The following EPHA10 variants were observed in gnomAD, a reference collection of about 807,000 sequenced individuals.
The protein encoded by EPHA10 is ephrin type-A receptor 10.
EPHA10 carries 120 observed loss-of-function variants against 109.7 expected under a neutral mutation model. The ratio of observed to expected loss-of-function variants is 1.09; its 90% CI spans 0.94 to 1.27. EPHA10 has a LOEUF of 1.27. Ranked by LOEUF, EPHA10 falls within the 50% of genes most tolerant of loss-of-function variation. The pLI, the probability that EPHA10 is intolerant of heterozygous loss-of-function variation, is 0.00. For synonymous variants in EPHA10, 640 were observed against 618.9 expected, an observed-to-expected ratio of 1.03 and a Z score of -0.51; for missense variants, 1,396 against 1,411.1, an observed-to-expected ratio of 0.99 and a Z score of 0.17.
chr1:37,746,368 A>G (rs1279713551), intron 5 of EPHA10, among the ~76,000 whole-genome samples: 1 of 152,066 alleles, frequency 6.6e-6, no homozygotes, highest in African/African-American at 2.4e-5. Context: ...AAGTCCTGGG[A>G]TTACAGGCGT....
In EPHA10 at chr1:37,720,437, C is replaced by T. The variant is rs779826445; in HGVS notation, c.2326G>A (p.Val776Met). Residue 776 changes from valine to methionine, a missense_variant, in exon 13 of 17, where the codon GTG becomes ATG. Transcript: ENST00000373048. Reference protein sequence around the residue: ...YVHRGLAARHVLVSSDLVCKI... With the variant: ...YVHRGLAARHMLVSSDLVCKI... ...CAGACAAGGTCGCTGCTGACCAGCACATGGCGAGCTGCCAGGCCCCGGTGA... is the reference window on the plus strand; with the variant it reads ...CAGACAAGGTCGCTGCTGACCAGCATATGGCGAGCTGCCAGGCCCCGGTGA... 1.5e-5 allele frequency: 24 copies of T among 1,613,638 alleles called. No homozygotes were observed. The South Asian group carries it at 2.6e-4, about 18-fold the overall frequency.
At position 37,718,106 on chromosome 1, in the gene EPHA10, T is replaced by G. The variant is rs1280027269; in HGVS notation, c.*266A>C. ...CCCAGCTTTTCTCTGAGACCCCGAA[T>G]TTCCTCCTGCTGTTATCTCAGGGGT... On this transcript the variant is annotated 3_prime_UTR_variant, in exon 17 of 17. Coordinates refer to ENST00000373048, the MANE Select transcript of EPHA10 (RefSeq NM_001099439.2). 4.3e-6 allele frequency: 2 copies of G among 465,620 alleles called. No homozygotes were observed. Among genetic ancestry groups the G allele is most frequent in the Middle Eastern group, 5.5e-4 (1 of 1,830 alleles). 28.8% of individuals were successfully genotyped at this position (465,620 alleles called of 1,614,324 possible). A position where few individuals can be genotyped will look rare whatever the true frequency, so the allele number is the denominator to read the frequency against.
chr1:37,727,862 G>A (rs1277798554), intron 7 of EPHA10, among the ~76,000 whole-genome samples: 1 of 152,158 alleles, frequency 6.6e-6, no homozygotes, highest in Non-Finnish European at 1.5e-5. Flanking sequence ...GATCAGCCTA[G>A]AGGACCCTCG....
intron 5 of EPHA10, among the ~76,000 whole-genome samples, chr1:37,739,116 G>T (rs190714607): frequency 7.9e-5 from 12 of 151,846 alleles, no homozygotes; most frequent in Non-Finnish European, 1.8e-4. Context: ...AAACCTGCAC[G>T]CTGTGTACAT....
At chr1:37,745,469 G>A (rs587026) in intron 5 of EPHA10, among the ~76,000 whole-genome samples, 51,733 of 151,960 alleles carry the variant, frequency 0.34, 8,867 homozygotes, top group East Asian at 0.48. Context: ...GAAAAAGTTG[G>A]TAATTCCTCA....
chr1:37,757,811 C>T (rs1332312517), intron 3 of EPHA10, among the ~76,000 whole-genome samples: 1 of 152,220 alleles, frequency 6.6e-6, no homozygotes, highest in Non-Finnish European at 1.5e-5. Flanking sequence ...AAGGACCTTA[C>T]TGTCCATTTG....
chr1:37,762,977 G>C (rs747110251), intron 1 of EPHA10, 128 bp from the exon 2 acceptor site: 4 of 841,878 alleles, frequency 4.8e-6, no homozygotes, highest in Non-Finnish European at 7.3e-6. Context: ...ATATGGGCAA[G>C]TTTTTCCCAC....
At position 37,756,140 on chromosome 1, in the gene EPHA10, C is replaced by T. The variant is rs962717409; in HGVS notation, c.851-1770G>A. On this transcript the variant is annotated intron_variant, in intron 3 of 16. Transcript: ENST00000373048. The stretch of plus-strand genomic sequence containing the variant: ...GAACAGAGCATGGGCCAACTATCCC[C>T]GTGGTCTGGTGGGCAGCAGAGACCC... Among the ~76,000 whole-genome samples the T allele has an allele frequency of 4.6e-5, 7 of 152,214 alleles. No individual in the cohort carries two copies. In the East Asian group the frequency reaches 1.2e-3, roughly 25 times the overall value.
rs1482008643 is a variant in EPHA10 at position 37,720,408 on chromosome 1, C to A, written c.2355G>T (p.Lys785Asn). 1 of 1,613,418 alleles carries A rather than the reference C, an allele frequency of 6.2e-7. No homozygotes were observed. Among genetic ancestry groups the A allele is most frequent in the South Asian group, 1.1e-5 (1 of 91,062 alleles). ...HVLVSSDLVC[K>N]ISGFGRGPRD... ...GGGGGCCCCGCCCGAAGCCAGAGAT[C>A]TTGCAGACAAGGTCGCTGCTGACCA... The change falls in exon 13 of 17, where the codon AAG (lysine) becomes AAT (asparagine). Residue 785 changes from lysine to asparagine, a missense_variant. Transcript: ENST00000373048.
chr1:37,757,972 C>T (rs1271439840), intron 3 of EPHA10, among the ~76,000 whole-genome samples: 4 of 152,178 alleles, frequency 2.6e-5, no homozygotes, highest in Non-Finnish European at 4.4e-5. Context: ...GGGAATGAGC[C>T]ACCTCCTGTT....
chr1:37,740,601 A>T (rs1005472762), intron 5 of EPHA10, among the ~76,000 whole-genome samples: 1 of 152,112 alleles, frequency 6.6e-6, no homozygotes, highest in South Asian at 2.1e-4. Flanking sequence ...CACCGTGCCC[A>T]GCCAGTTGCT....
chr1:37,716,559 G>T lies in EPHA10; in HGVS notation c.*1813C>A. ...TGCTCAGGAGACAGGGAGGCAGGGG[G>T]CTGGGGGGAGATTCCAAGAGCAGGG... On this transcript the variant is annotated 3_prime_UTR_variant, in exon 17 of 17. Transcript: ENST00000373048. 2 of 218,958 alleles carry T rather than the reference G, an allele frequency of 9.1e-6. No individual in the cohort carries two copies. Among genetic ancestry groups the T allele is most frequent in the East Asian group, 1.2e-4 (2 of 16,422 alleles). The allele number at this position is 218,958 out of a possible 1,614,324, so 13.6% of individuals were successfully genotyped here. A position where few individuals can be genotyped will look rare whatever the true frequency, so the allele number is the denominator to read the frequency against.
intron 6 of EPHA10, chr1:37,734,539 T>TAAAA (rs1303483097): frequency 7.7e-6 from 3 of 391,260 alleles, no homozygotes; most frequent in African/African-American, 6.4e-5. Context: ...TGTCTCAAAA[T>TAAAA]AAATAAATAA....
intron 1 of EPHA10, among the ~76,000 whole-genome samples, chr1:37,763,534 G>A (rs1238967935): frequency 6.6e-6 from 1 of 152,130 alleles, no homozygotes; most frequent in Non-Finnish European, 1.5e-5. Context: ...TATTGGGGGT[G>A]GGGGTCATCA....
chr1:37,749,547 C>T (rs1419231131), intron 5 of EPHA10, among the ~76,000 whole-genome samples: 2 of 151,796 alleles, frequency 1.3e-5, no homozygotes, highest in African/African-American at 4.8e-5. Flanking sequence ...GTGGTGTGTG[C>T]CTGTAATACC....
At position 37,735,295 on chromosome 1, in the gene EPHA10, C is replaced by T. The variant is rs1235382574; in HGVS notation, c.1453G>A (p.Ala485Thr). 3.8e-6 allele frequency: 6 copies of T among 1,562,370 alleles called. No homozygotes were observed. Among genetic ancestry groups the T allele is most frequent in the South Asian group, 1.2e-5 (1 of 84,788 alleles). Residue 485 changes from alanine to threonine, a missense_variant, in exon 6 of 17, where the codon GCC (alanine) becomes ACC (threonine). Ala to Thr is a moderately conservative substitution (Grantham distance 58). Coordinates refer to ENST00000373048, the MANE Select transcript of EPHA10 (RefSeq NM_001099439.2). The stretch of plus-strand genomic sequence containing the variant: ...CGGATCTCGTACTCCGTGTCATTGG[C>T]CCCAGGGGCTCCGGCAGGGATGGGC... ...REPIPAGAPG[A>T]NDTEYEIRYY...
intron 3 of EPHA10, chr1:37,761,084 T>C: frequency 1.0e-6 from 1 of 975,024 alleles, no homozygotes; most frequent in Non-Finnish European, 1.3e-6. Context: ...AGAGACTCCT[T>C]ATTTTAAAAA....
chr1:37,729,516 A>G (rs536802360), intron 7 of EPHA10, among the ~76,000 whole-genome samples: 1 of 152,238 alleles, frequency 6.6e-6, no homozygotes, highest in Non-Finnish European at 1.5e-5. Context: ...TGAGCCCAGG[A>G]GTTCGAGACC....
chr1:37,733,343 T>C (rs1489245122), intron 6 of EPHA10, among the ~76,000 whole-genome samples: 1 of 152,152 alleles, frequency 6.6e-6, no homozygotes, highest in East Asian at 1.9e-4. Context: ...TGCTTCAGCA[T>C]CCCAAGTTGC....
Sources: allele counts gnomAD v4.1 joint callset (sites outside exome capture counted in the v4.1 genomes callset), GRCh38; gene constraint gnomAD v4.1.1; transcripts MANE v1.5; gene names NCBI Gene and HGNC (gene_info 2026-07-23, HGNC 2026-07-21).